PTPRA: variants seen among roughly 807,000 people sequenced by gnomAD.
PTPRA encodes the protein protein tyrosine phosphatase receptor type A.
A neutral mutation model predicts 104.8 loss-of-function variants in PTPRA; 25 were observed. The ratio of observed to expected loss-of-function variants is 0.24; its 90% CI spans 0.17 to 0.33. The LOEUF (loss-of-function observed/expected upper bound fraction) is 0.33, where lower values mean the gene tolerates loss of function less well. Ranked by LOEUF, PTPRA falls within the 10% of genes least tolerant of loss-of-function variation. The probability of loss-of-function intolerance (pLI) is 1.00; values close to 1 mark genes in which losing one functional copy is unlikely to be tolerated. For synonymous variants in PTPRA, 323 were observed against 368.9 expected (o/e 0.88, Z 1.43); for missense variants, 765 against 1,015.3 (o/e 0.75, Z 3.35).
chr20:2,889,705 T>C (rs1383183990), intron 1 of PTPRA, among the ~76,000 whole-genome samples: 1 of 152,160 alleles, frequency 6.6e-6, no homozygotes, highest in Non-Finnish European at 1.5e-5. Context: ...GGTTATCAGA[T>C]TAAAAATACA....
intron 11 of PTPRA, 100 bp from the exon 12 acceptor site, chr20:3,015,749 A>G (rs543956019): frequency 2.4e-4 from 233 of 971,378 alleles, no homozygotes; most frequent in Non-Finnish European, 3.1e-4. Flanking sequence ...GTACCTGCAC[A>G]TTTTCAGGTT....
chr20:2,881,281 A>C (rs904418452), intron 1 of PTPRA, among the ~76,000 whole-genome samples: 12 of 152,024 alleles, frequency 7.9e-5, no homozygotes, highest in Non-Finnish European at 1.6e-4. Flanking sequence ...ACTGCACTCA[A>C]GCCTGGGTGA....
intron 9 of PTPRA, among the ~76,000 whole-genome samples, chr20:3,000,581 G>A (rs567809969): frequency 1.2e-4 from 19 of 152,208 alleles, no homozygotes; most frequent in African/African-American, 4.6e-4. Flanking sequence ...ATATGCACAA[G>A]AAAGATACAA....
intron 2 of PTPRA, among the ~76,000 whole-genome samples, chr20:2,939,512 A>T (rs1050754309): frequency 6.6e-6 from 1 of 152,142 alleles, no homozygotes; most frequent in African/African-American, 2.4e-5. Context: ...CCCCTTTTTT[A>T]GTTTGCCTGG....
intron 9 of PTPRA, among the ~76,000 whole-genome samples, 169 bp from the exon 10 acceptor site, chr20:3,004,887 C>T (rs3746692): frequency 6.6e-6 from 1 of 152,122 alleles, no homozygotes; most frequent in Admixed American, 6.5e-5. Context: ...GTGGCTGTTT[C>T]GGGGGAGAGG....
chr20:2,875,326 C>G (rs1336035459), intron 1 of PTPRA, among the ~76,000 whole-genome samples: 1 of 152,158 alleles, frequency 6.6e-6, no homozygotes, highest in East Asian at 1.9e-4. Flanking sequence ...CTCTGAAAGA[C>G]TAAAAGCCCT....
intron 1 of PTPRA, among the ~76,000 whole-genome samples, chr20:2,887,936 C>T (rs1314769934): frequency 1.3e-5 from 2 of 152,174 alleles, no homozygotes; most frequent in African/African-American, 4.8e-5. Context: ...AGATCACTGC[C>T]TTCCAGTGCC....
chr20:3,015,455 G>A (rs1247164346), intron 11 of PTPRA, among the ~76,000 whole-genome samples: 1 of 151,840 alleles, frequency 6.6e-6, no homozygotes, highest in South Asian at 2.1e-4. Flanking sequence ...TTACAGGAGT[G>A]CACCACCACG....
intron 6 of PTPRA, among the ~76,000 whole-genome samples, chr20:2,986,457 G>A (rs2062915570): frequency 6.6e-6 from 1 of 152,202 alleles, no homozygotes; most frequent in African/African-American, 2.4e-5. Flanking sequence ...ATAGCAGTGA[G>A]TAAAACAAAG....
the PTPRA span, chr20:2,866,631 C>T: frequency 1.2e-6 from 2 of 1,600,046 alleles, no homozygotes; most frequent in Non-Finnish European, 8.5e-7. Flanking sequence ...CTGGGCTTGG[C>T]AGAAGGGCCA....
chr20:3,007,392 C>A lies in PTPRA; in HGVS notation c.878C>A (p.Ser293Tyr), dbSNP rs752080311. 1 of 1,614,174 alleles carries A rather than the reference C, an allele frequency of 6.2e-7. No homozygotes were observed. The highest frequency in any genetic ancestry group is 1.1e-5 in the South Asian group (1 of 91,084). The change falls in exon 11 of 24, where the codon TCT becomes TAT. Residue 293 changes from serine to tyrosine, a missense_variant. Ser to Tyr is a moderately radical substitution (Grantham distance 144). Coordinates refer to ENST00000399903, the MANE Select transcript of PTPRA (RefSeq NM_001385305.1). Reference protein sequence around the residue: ...HLTPVEGVPDSDYINASFING... With the variant: ...HLTPVEGVPDYDYINASFING... The stretch of plus-strand genomic sequence containing the variant: ...ACACCGGTTGAAGGGGTTCCAGATT[C>A]TGATTACATCAATGCTTCATTCATC...
chr20:2,955,279 A>T (rs551736172), intron 3 of PTPRA, among the ~76,000 whole-genome samples: 6 of 152,374 alleles, frequency 3.9e-5, no homozygotes, highest in African/African-American at 1.4e-4. Context: ...GTTAATCTGC[A>T]ATATAAACCT....
chr20:2,921,574 TC>T (rs902596654), intron 1 of PTPRA, among the ~76,000 whole-genome samples: 2 of 152,106 alleles, frequency 1.3e-5, no homozygotes, highest in African/African-American at 4.8e-5. Flanking sequence ...GACTCTTTTT[TC>T]CCCCCAGTGA....
chr20:2,940,024 C>G (rs763075084), intron 2 of PTPRA, among the ~76,000 whole-genome samples: 1 of 152,208 alleles, frequency 6.6e-6, no homozygotes, highest in African/African-American at 2.4e-5. Flanking sequence ...ATAGGAGAAT[C>G]GTTTGAACCC....
intron 1 of PTPRA, among the ~76,000 whole-genome samples, chr20:2,878,299 G>GA (rs1270402490): frequency 5.9e-5 from 9 of 152,206 alleles, no homozygotes; most frequent in Admixed American, 3.9e-4. Context: ...CTGCAGCCTT[G>GA]ACCTCCTGGG....
intron 1 of PTPRA, among the ~76,000 whole-genome samples, chr20:2,905,247 C>T (rs2059382203): frequency 6.6e-6 from 1 of 152,214 alleles, no homozygotes; most frequent in Admixed American, 6.5e-5. Context: ...TTCCACAAAA[C>T]TGGTCCCTGG....
At chr20:2,948,917 A>G (rs183215516) in intron 3 of PTPRA, among the ~76,000 whole-genome samples, 5 of 152,138 alleles carry the variant, frequency 3.3e-5, no homozygotes, top group African/African-American at 2.4e-5. Context: ...GCACCACTGC[A>G]CTCCAGCCTG....
At chr20:2,924,862 A>G (rs538138158) in intron 2 of PTPRA, among the ~76,000 whole-genome samples, 3 of 152,054 alleles carry the variant, frequency 2.0e-5, no homozygotes, top group African/African-American at 7.2e-5. Context: ...TGTATTTTTA[A>G]TAGAGACAGA....
intron 1 of PTPRA, among the ~76,000 whole-genome samples, chr20:2,897,715 A>G (rs1440298903): frequency 6.6e-6 from 1 of 151,920 alleles, no homozygotes; most frequent in African/African-American, 2.4e-5. Flanking sequence ...CTCTAAGGAA[A>G]AGCTTTCTCT....
Sources: gnomAD v4.1 joint callset for allele counts (sites outside exome capture counted in the v4.1 genomes callset) on GRCh38, gnomAD v4.1.1 for gene constraint, MANE v1.5 for transcripts, NCBI Gene and HGNC (gene_info 2026-07-23, HGNC 2026-07-21) for gene names.